Variants in SSBP2 observed in about 807,000 individuals in gnomAD.
SSBP2 encodes single-stranded DNA-binding protein 2.
Under a neutral mutation model 61.8 loss-of-function variants are expected in SSBP2, and 17 were observed. The ratio of observed to expected loss-of-function variants is 0.28; its 90% CI spans 0.19 to 0.41. The LOEUF (loss-of-function observed/expected upper bound fraction) is 0.41, where lower values mean the gene tolerates loss of function less well. Ranked by LOEUF, SSBP2 falls within the 10% of genes least tolerant of loss-of-function variation. The probability of loss-of-function intolerance (pLI) is 1.00; values close to 1 mark genes in which losing one functional copy is unlikely to be tolerated. For missense variants in SSBP2, 310 were observed against 458.7 expected (o/e 0.68, Z 2.96); for synonymous variants, 139 against 141.3 (o/e 0.98, Z 0.12).
intron 4 of SSBP2, among the ~76,000 whole-genome samples, chr5:81,548,285 A>G (rs1317980985): frequency 2.0e-5 from 3 of 152,294 alleles, no homozygotes; most frequent in East Asian, 1.9e-4. Context: ...ACAATGTGTC[A>G]ATGCAGGTTC....
intron 1 of SSBP2, among the ~76,000 whole-genome samples, chr5:81,678,289 T>C (rs1752138457): frequency 6.6e-6 from 1 of 152,266 alleles, no homozygotes; most frequent in Non-Finnish European, 1.5e-5. Flanking sequence ...GATGGGTCTA[T>C]TAGTAGACTA....
At chr5:81,552,612 T>A (rs1412540961) in intron 4 of SSBP2, among the ~76,000 whole-genome samples, 1 of 143,488 alleles carries the variant, frequency 7.0e-6, no homozygotes, top group Non-Finnish European at 1.5e-5. Context: ...CACTCCAGCC[T>A]GGGCAACAGA....
At chr5:81,542,948 G>A (rs890013857) in intron 4 of SSBP2, among the ~76,000 whole-genome samples, 4 of 151,402 alleles carry the variant, frequency 2.6e-5, no homozygotes, top group Non-Finnish European at 5.9e-5. Context: ...TCTGCCTCCC[G>A]GGCTGAAGCA....
chr5:81,522,847 CA>C (rs1195153039), intron 4 of SSBP2, among the ~76,000 whole-genome samples: 39 of 152,100 alleles, frequency 2.6e-4, no homozygotes, highest in African/African-American at 8.9e-4. Flanking sequence ...TTTTCAATCA[CA>C]AAAATATTTT....
At chr5:81,486,541 A>G (rs1766395138) in intron 6 of SSBP2, among the ~76,000 whole-genome samples, 1 of 152,190 alleles carries the variant, frequency 6.6e-6, no homozygotes, top group Non-Finnish European at 1.5e-5. Context: ...GGCGCTTCCT[A>G]GACTTATATA....
chr5:81,499,538 G>A (rs758841095), intron 5 of SSBP2, among the ~76,000 whole-genome samples: 7 of 152,128 alleles, frequency 4.6e-5, no homozygotes, highest in Non-Finnish European at 1.0e-4. Context: ...ATTTTAAATA[G>A]TTTGTTTAAA....
intron 4 of SSBP2, among the ~76,000 whole-genome samples, chr5:81,515,142 C>T (rs367808741): frequency 4.0e-5 from 6 of 151,618 alleles, no homozygotes; most frequent in East Asian, 3.8e-4. Context: ...ACTAAACTTG[C>T]GTAAAATTTT....
chr5:81,497,029 G>A (rs1767341261), intron 5 of SSBP2, among the ~76,000 whole-genome samples: 1 of 152,180 alleles, frequency 6.6e-6, no homozygotes, highest in Non-Finnish European at 1.5e-5. Context: ...TGGTATTTCA[G>A]GTAGGCAAGC....
intron 4 of SSBP2, among the ~76,000 whole-genome samples, chr5:81,562,313 A>G (rs1206200867): frequency 1.3e-5 from 2 of 152,238 alleles, no homozygotes; most frequent in Admixed American, 6.5e-5. Context: ...ATTGCCTACC[A>G]TAAGTAAGAT....
At chr5:81,623,506 T>C (rs989168284) in intron 3 of SSBP2, among the ~76,000 whole-genome samples, 2 of 151,970 alleles carry the variant, frequency 1.3e-5, no homozygotes, top group Non-Finnish European at 2.9e-5. Context: ...CAGCTAATTT[T>C]TTGTATTTTT....
intron 4 of SSBP2, among the ~76,000 whole-genome samples, chr5:81,582,062 T>C (rs1454207179): frequency 6.6e-6 from 1 of 152,122 alleles, no homozygotes; most frequent in Non-Finnish European, 1.5e-5. Flanking sequence ...GTAAATAGCT[T>C]TTCCCTTGGT....
chr5:81,737,387 T>C (rs762955249), intron 1 of SSBP2, among the ~76,000 whole-genome samples: 1 of 151,504 alleles, frequency 6.6e-6, no homozygotes. Flanking sequence ...ATTTGACATC[T>C]CCACCACCTC....
chr5:81,437,675 C>A, intron 14 of SSBP2: 2 of 333,028 alleles, frequency 6.0e-6, no homozygotes, highest in South Asian at 9.1e-5. Context: ...AGTTCCCAAT[C>A]GTTTTTTTTT....
At chr5:81,663,572 A>G (rs1750874023) in intron 1 of SSBP2, among the ~76,000 whole-genome samples, 1 of 152,200 alleles carries the variant, frequency 6.6e-6, no homozygotes, top group Non-Finnish European at 1.5e-5. Flanking sequence ...ACAACATTTG[A>G]TTATGCCTCA....
At chr5:81,703,783 T>C (rs1754166538) in intron 1 of SSBP2, among the ~76,000 whole-genome samples, 1 of 152,222 alleles carries the variant, frequency 6.6e-6, no homozygotes, top group African/African-American at 2.4e-5. Context: ...TTTCAGTTTA[T>C]TTTAAACTAA....
intron 1 of SSBP2, among the ~76,000 whole-genome samples, chr5:81,728,897 T>G (rs899789713): frequency 2.0e-5 from 3 of 151,306 alleles, no homozygotes; most frequent in African/African-American, 7.3e-5. Context: ...AAAACTAAAT[T>G]TGATGTTTAA....
intron 1 of SSBP2, among the ~76,000 whole-genome samples, chr5:81,733,210 A>G (rs1228436397): frequency 6.6e-6 from 1 of 152,206 alleles, no homozygotes; most frequent in Non-Finnish European, 1.5e-5. Flanking sequence ...TGAAGGAAAA[A>G]AATATGAAGG....
chr5:81,517,370 G>GT (rs199949045), intron 4 of SSBP2, among the ~76,000 whole-genome samples: 7,394 of 121,982 alleles, frequency 0.061, 602 homozygotes, highest in African/African-American at 0.19. Flanking sequence ...TAAATTTCAA[G>GT]TTTTTTTTTT....
chr5:81,428,012 G>GT (rs1762059658), intron 16 of SSBP2, among the ~76,000 whole-genome samples: 1 of 152,196 alleles, frequency 6.6e-6, no homozygotes, highest in African/African-American at 2.4e-5. Flanking sequence ...GCCTTGGCAT[G>GT]TGGTAAGTGC....
Sources: allele counts gnomAD v4.1 joint callset (sites outside exome capture counted in the v4.1 genomes callset), GRCh38; gene constraint gnomAD v4.1.1; transcripts MANE v1.5; gene names NCBI Gene and HGNC (gene_info 2026-07-23, HGNC 2026-07-21).